The following PAMR1 variants were observed in gnomAD, a reference collection of about 807,000 sequenced individuals.
PAMR1 encodes the protein inactive serine protease PAMR1.
PAMR1 carries 88 observed loss-of-function variants against 81.8 expected under a neutral mutation model. The ratio of observed to expected loss-of-function variants is 1.08; its 90% CI spans 0.91 to 1.28. The LOEUF (loss-of-function observed/expected upper bound fraction) is 1.28. Ranked by LOEUF, PAMR1 falls within the 50% of genes most tolerant of loss-of-function variation. The probability of loss-of-function intolerance (pLI) is 0.00; values close to 1 mark genes in which losing one functional copy is unlikely to be tolerated. For missense variants in PAMR1, 935 were observed against 919.7 expected (o/e 1.02, Z -0.21); for synonymous variants, 336 against 345.3 (o/e 0.97, Z 0.30).
At chr11:35,442,535 TG>T (rs1165505026) in intron 6 of PAMR1, among the ~76,000 whole-genome samples, 1 of 152,214 alleles carries the variant, frequency 6.6e-6, no homozygotes, top group African/African-American at 2.4e-5. Flanking sequence ...TTCTACTACT[TG>T]ATTTGGGTAC....
In PAMR1 at chr11:35,515,492, A is replaced by G. The variant is rs535283472; in HGVS notation, c.73+10021T>C. 3.9e-5 allele frequency among the ~76,000 whole-genome samples: 6 copies of G among 152,330 alleles called. No individual in the cohort carries two copies. In the South Asian group the frequency reaches 1.0e-3, roughly 26 times the overall value. Reference sequence around the variant, plus strand: ...TATAGTTACCTCCCCCAGCTCTGCAAGCTAGAACACGATCAAGGGAAACTT... The same window carrying G: ...TATAGTTACCTCCCCCAGCTCTGCAGGCTAGAACACGATCAAGGGAAACTT... On this transcript the variant is annotated intron_variant, in intron 1 of 10. Coordinates refer to ENST00000619888, the MANE Select transcript of PAMR1 (RefSeq NM_001001991.3).
Position 35,432,043 on chromosome 11 carries a change from C to T in PAMR1, c.*313G>A, listed in dbSNP as rs553757725. 8 of 316,134 alleles carry T rather than the reference C, an allele frequency of 2.5e-5. No homozygotes were observed. Among genetic ancestry groups the T allele is most frequent in the South Asian group, 2.2e-4 (5 of 22,698 alleles). The allele number at this position is 316,134 out of a possible 1,614,324, so 19.6% of individuals were successfully genotyped here. The stretch of plus-strand genomic sequence containing the variant: ...CTTCCCTGGTCAAGCTGATGGCATT[C>T]GTATAACTGAAAGTTGGGGAAGACC... On this transcript the variant is annotated 3_prime_UTR_variant, in exon 11 of 11. Coordinates refer to ENST00000619888, the MANE Select transcript of PAMR1 (RefSeq NM_001001991.3).
intron 4 of PAMR1, among the ~76,000 whole-genome samples, chr11:35,474,130 C>T (rs1043642888): frequency 1.3e-5 from 2 of 152,092 alleles, no homozygotes; most frequent in African/African-American, 4.8e-5. Flanking sequence ...TTGCGAAGGC[C>T]CTAAAGCTCC....
chr11:35,436,543 C>T (rs1318436665), intron 8 of PAMR1, among the ~76,000 whole-genome samples: 1 of 152,070 alleles, frequency 6.6e-6, no homozygotes, highest in East Asian at 1.9e-4. Context: ...CCTTGGCCTC[C>T]CAAAGTGCTG....
At chr11:35,446,571 T>C (rs936567409) in intron 6 of PAMR1, among the ~76,000 whole-genome samples, 3 of 152,218 alleles carry the variant, frequency 2.0e-5, no homozygotes, top group Non-Finnish European at 2.9e-5. Flanking sequence ...AACTTCTTGA[T>C]TTCTGCCTTA....
At chr11:35,454,492 C>A (rs553204821) in intron 6 of PAMR1, among the ~76,000 whole-genome samples, 1 of 152,304 alleles carries the variant, frequency 6.6e-6, no homozygotes, top group Admixed American at 6.5e-5. Flanking sequence ...CATCCCCATT[C>A]TTATCTTGCT....
chr11:35,442,609 TTTTA>T (rs1565327025), intron 6 of PAMR1, among the ~76,000 whole-genome samples: 2 of 151,950 alleles, frequency 1.3e-5, no homozygotes, highest in African/African-American at 2.4e-5. Flanking sequence ...CTTTTTCTTT[TTTTA>T]TTTATTTATT....
At position 35,432,230 on chromosome 11, in the gene PAMR1, A is replaced by C; in HGVS notation, c.*126T>G. On this transcript the variant is annotated 3_prime_UTR_variant, in exon 11 of 11. Coordinates refer to ENST00000619888, the MANE Select transcript of PAMR1 (RefSeq NM_001001991.3). ...ACCCTTCACTGAGTTTTGTCCCTGA[A>C]GTCAGAAGCCCTGGCACAGCCAAGT... 4 of 846,844 alleles carry C rather than the reference A, an allele frequency of 4.7e-6. No homozygotes were observed. The highest frequency in any genetic ancestry group is 7.3e-6 in the Non-Finnish European group (4 of 544,274). 52.5% of individuals were successfully genotyped at this position (846,844 alleles called of 1,614,324 possible).
chr11:35,458,559 A>C (rs1017004278), intron 6 of PAMR1, among the ~76,000 whole-genome samples: 1 of 152,184 alleles, frequency 6.6e-6, no homozygotes. Flanking sequence ...TGGAGCTATA[A>C]GATTATCTGA....
intron 2 of PAMR1, among the ~76,000 whole-genome samples, chr11:35,493,021 T>G (rs2135400710): frequency 6.6e-6 from 1 of 152,312 alleles, no homozygotes; most frequent in South Asian, 2.1e-4. Context: ...ATGATTTGGA[T>G]CTGTGTCCCC....
chr11:35,439,588 A>G (rs767445622), intron 8 of PAMR1, 39 bp downstream of exon 8: 3 of 1,526,208 alleles, frequency 2.0e-6, no homozygotes, highest in African/African-American at 1.4e-5. Flanking sequence ...GGAAATACTC[A>G]TTAGCCTTCA....
chr11:35,493,859 G>A (rs776116506), intron 2 of PAMR1, among the ~76,000 whole-genome samples: 1 of 152,228 alleles, frequency 6.6e-6, no homozygotes, highest in Non-Finnish European at 1.5e-5. Context: ...TGCTCAGTCA[G>A]CTTGTTAAAT....
chr11:35,524,338 G>A (rs1295733311), intron 1 of PAMR1, among the ~76,000 whole-genome samples: 2 of 152,212 alleles, frequency 1.3e-5, no homozygotes, highest in Non-Finnish European at 2.9e-5. Flanking sequence ...CTAGGTAGAT[G>A]GAAAGTATTG....
chr11:35,468,175 T>C, intron 5 of PAMR1, 67 bp from the exon 6 acceptor site: 2 of 921,964 alleles, frequency 2.2e-6, no homozygotes, highest in Admixed American at 2.4e-5. Flanking sequence ...CCCAGAGTCT[T>C]GACCAAAGTC....
At chr11:35,449,028 C>T (rs962452175) in intron 6 of PAMR1, among the ~76,000 whole-genome samples, 1 of 152,230 alleles carries the variant, frequency 6.6e-6, no homozygotes, top group Non-Finnish European at 1.5e-5. Flanking sequence ...GAGCTCCATC[C>T]CACAGGGGCA....
rs770396942 is a variant in PAMR1, at chr11:35,432,907, A to C, written c.1627-15T>G. On this transcript the variant is annotated splice_polypyrimidine_tract_variant and intron_variant, in intron 10 of 10. Coordinates refer to ENST00000619888, the MANE Select transcript of PAMR1 (RefSeq NM_001001991.3). ...ATAGCAGAAATCTACAAATGCAAGG[A>C]ATGGGCAGCAATGGTGAGGAGCCAG... 6.5e-7 allele frequency: 1 copy of C among 1,547,478 alleles called. No individual in the cohort carries two copies. The highest frequency in any genetic ancestry group is 8.7e-7 in the Non-Finnish European group (1 of 1,149,862).
intron 3 of PAMR1, among the ~76,000 whole-genome samples, chr11:35,489,206 A>C (rs570226070): frequency 1.3e-5 from 2 of 152,298 alleles, no homozygotes; most frequent in South Asian, 4.1e-4. Context: ...TACTGTCTGC[A>C]GAGTCTCTTA....
At chr11:35,527,617 G>T (rs1590410378), upstream of PAMR1, among the ~76,000 whole-genome samples, 1 of 152,100 alleles carries the variant, frequency 6.6e-6, no homozygotes, top group Admixed American at 6.5e-5. Context: ...AACCAGTCCT[G>T]GTCCTTTGGT....
rs528708958 is a variant in PAMR1 at position 35,447,450 on chromosome 11, G to A, written c.821-5757C>T. ...GATCTCCTGACCTCATGATCTGTCC[G>A]CCTCGGCCTCCCAAAGTCCTGGGGT... On this transcript the variant is annotated intron_variant, in intron 6 of 10. Transcript: ENST00000619888. Among the ~76,000 whole-genome samples, 22 of 152,014 alleles carry A rather than the reference G, an allele frequency of 1.4e-4. 1 individual carries two copies. Among genetic ancestry groups the A allele is most frequent in the South Asian group, 1.2e-3 (6 of 4,808 alleles).
Sources: gnomAD v4.1 joint callset for allele counts (sites outside exome capture counted in the v4.1 genomes callset) on GRCh38, gnomAD v4.1.1 for gene constraint, MANE v1.5 for transcripts, NCBI Gene and HGNC (gene_info 2026-07-23, HGNC 2026-07-21) for gene names.